Variants in NTRK2 observed in about 807,000 individuals in gnomAD.
The protein encoded by NTRK2 is BDNF/NT-3 growth factors receptor.
Under a neutral mutation model 94.5 loss-of-function variants are expected in NTRK2, and 13 were observed. The ratio of observed to expected loss-of-function variants is 0.14; its 90% CI spans 0.09 to 0.22. The LOEUF is 0.22. Among genes scored for constraint, NTRK2 ranks in the 10% least tolerant of loss-of-function variants. NTRK2 has a pLI of 1.00. For missense variants in NTRK2, 639 were observed against 1,071.2 expected (o/e 0.60, Z 5.63); for synonymous variants, 372 against 407.4 (o/e 0.91, Z 1.05).
At chr9:84,888,611 C>CAAAAAAAAAAAAAA (rs71369158) in intron 14 of NTRK2, among the ~76,000 whole-genome samples, 3 of 33,848 alleles carry the variant, frequency 8.9e-5, no homozygotes, top group African/African-American at 1.5e-4. Context: ...CACTCCATCT[C>CAAAAAAAAAAAAAA]AAAAAAAAAA....
intron 13 of NTRK2, among the ~76,000 whole-genome samples, chr9:84,864,865 C>T (rs969776551): frequency 1.1e-4 from 17 of 151,642 alleles, no homozygotes; most frequent in African/African-American, 3.9e-4. Context: ...TTCAGCCCCC[C>T]GAGTAGTTGG....
chr9:84,776,718 A>G (rs1487839306), intron 12 of NTRK2, among the ~76,000 whole-genome samples: 1 of 152,018 alleles, frequency 6.6e-6, no homozygotes, highest in Non-Finnish European at 1.5e-5. Flanking sequence ...CTCTTCCAAA[A>G]CCCCATGAGT....
At chr9:84,918,401 G>T (rs1407956510) in intron 14 of NTRK2, among the ~76,000 whole-genome samples, 1 of 152,178 alleles carries the variant, frequency 6.6e-6, no homozygotes, top group African/African-American at 2.4e-5. Flanking sequence ...TGCCTGACAT[G>T]GGTCCAGTGA....
chr9:84,694,768 C>T (rs1457170189), intron 2 of NTRK2, among the ~76,000 whole-genome samples: 1 of 152,092 alleles, frequency 6.6e-6, no homozygotes, highest in East Asian at 1.9e-4. Context: ...CTACTTTTAT[C>T]AAATCTAATC....
chr9:84,670,771 A>G lies in NTRK2; in HGVS notation c.23A>G (p.His8Arg). The G allele has an allele frequency of 6.2e-7, 1 of 1,613,588 alleles. No homozygotes were observed. Among genetic ancestry groups the G allele is most frequent in the East Asian group, 2.2e-5 (1 of 44,862 alleles). Residue 8 changes from histidine to arginine, a missense_variant, in exon 2 of 19, where the codon CAT (histidine) becomes CGT (arginine). This residue lies in a region of NTRK2 where 206 missense variants were observed against 251.5 expected (regional missense o/e 0.82). Transcript: ENST00000277120. ...GGGATGTCGTCCTGGATAAGGTGGC[A>G]TGGACCCGCCATGGCGCGGCTCTGG... MSSWIRW[H>R]GPAMARLWGF...
At chr9:84,922,072 A>T (rs1356504014) in intron 14 of NTRK2, among the ~76,000 whole-genome samples, 2 of 152,170 alleles carry the variant, frequency 1.3e-5, no homozygotes, top group African/African-American at 4.8e-5. Context: ...GATATGACTT[A>T]GTGATAAATT....
chr9:84,969,639 A>G (rs1825959213), intron 17 of NTRK2, among the ~76,000 whole-genome samples: 1 of 152,252 alleles, frequency 6.6e-6, no homozygotes, highest in Non-Finnish European at 1.5e-5. Context: ...AGTGATGATC[A>G]TAAATGATGT....
intron 6 of NTRK2, among the ~76,000 whole-genome samples, chr9:84,712,957 TA>T (rs1466954443): frequency 1.3e-5 from 2 of 152,228 alleles, no homozygotes; most frequent in African/African-American, 4.8e-5. Context: ...TTTTTACACA[TA>T]TGTACAAGTG....
chr9:84,694,815 G>A (rs1197538978), intron 2 of NTRK2, among the ~76,000 whole-genome samples: 1 of 151,904 alleles, frequency 6.6e-6, no homozygotes, highest in African/African-American at 2.4e-5. Context: ...TGTCTATCTA[G>A]AGATGATAGA....
intron 12 of NTRK2, among the ~76,000 whole-genome samples, chr9:84,775,068 A>G (rs1196893492): frequency 6.6e-6 from 1 of 152,228 alleles, no homozygotes; most frequent in Non-Finnish European, 1.5e-5. Flanking sequence ...CCCTAAGTAT[A>G]TAAGATGAGA....
intron 14 of NTRK2, among the ~76,000 whole-genome samples, chr9:84,897,551 A>T (rs1409401663): frequency 2.6e-5 from 4 of 152,158 alleles, no homozygotes; most frequent in Non-Finnish European, 5.9e-5. Flanking sequence ...AGCAGTCATG[A>T]TGGTCCCCTG....
chr9:84,752,181 T>C (rs1241224321), intron 12 of NTRK2, 96 bp downstream of exon 12: 1 of 952,460 alleles, frequency 1.0e-6, no homozygotes, highest in Non-Finnish European at 1.7e-6. Flanking sequence ...GCTAGATTTA[T>C]GATGATTAGG....
Position 84,800,200 on chromosome 9 carries a change from A to G in NTRK2, c.1396+48115A>G, listed in dbSNP as rs574518957. Among the ~76,000 whole-genome samples the G allele has an allele frequency of 1.2e-3, 141 of 114,874 alleles. 1 individual carries two copies. The South Asian group carries it at 0.02, about 16-fold the overall frequency. 75.4% of individuals were successfully genotyped at this position (114,874 alleles called of 152,430 possible). ...GGAAGCCGAAGCTCTATCAAGATAT[A>G]GTTTCTTTCTTTTTTTTTTTGAGAT... On this transcript the variant is annotated intron_variant, in intron 12 of 18. Coordinates refer to ENST00000277120, the MANE Select transcript of NTRK2 (RefSeq NM_006180.6).
chr9:84,823,781 T>C lies in NTRK2; in HGVS notation c.1397-37259T>C, dbSNP rs192831689. Among the ~76,000 whole-genome samples the C allele has an allele frequency of 2.0e-5, 3 of 152,342 alleles. No homozygotes were observed. In the East Asian group the frequency reaches 5.8e-4, roughly 29 times the overall value. ...GACCCTTCACATTTTTTAAGGTCTCTATGAGCCAAACATAACAAGTGTTGA... is the reference window on the plus strand; with the variant it reads ...GACCCTTCACATTTTTTAAGGTCTCCATGAGCCAAACATAACAAGTGTTGA... On this transcript the variant is annotated intron_variant, in intron 12 of 18. Coordinates refer to ENST00000277120, the MANE Select transcript of NTRK2 (RefSeq NM_006180.6).
At chr9:84,817,571 C>A (rs1294277477) in intron 12 of NTRK2, among the ~76,000 whole-genome samples, 1 of 152,130 alleles carries the variant, frequency 6.6e-6, no homozygotes, top group Non-Finnish European at 1.5e-5. Flanking sequence ...ATACAGCTGG[C>A]CTCACTAGTT....
At chr9:84,833,268 A>C (rs892841630) in intron 12 of NTRK2, among the ~76,000 whole-genome samples, 2 of 152,076 alleles carry the variant, frequency 1.3e-5, no homozygotes, top group Non-Finnish European at 2.9e-5. Flanking sequence ...TAAAATATCC[A>C]TGCCTGGGAT....
Position 85,024,782 on chromosome 9 carries a change from A to T in NTRK2, c.*3345A>T, listed in dbSNP as rs1832950670. ...GCTAAATTCAGCTAAATTCTTGTAC[A>T]CTGAACCAATGTCATAATCAGGCTT... On this transcript the variant is annotated 3_prime_UTR_variant, in exon 19 of 19. Coordinates refer to ENST00000277120, the MANE Select transcript of NTRK2 (RefSeq NM_006180.6). 2 of 233,032 alleles carry T rather than the reference A, an allele frequency of 8.6e-6. No individual in the cohort carries two copies. Among genetic ancestry groups the T allele is most frequent in the South Asian group, 3.6e-4 (2 of 5,530 alleles). The allele number at this position is 233,032 out of a possible 1,614,324, so 14.4% of individuals were successfully genotyped here.
In NTRK2 at chr9:84,850,415, T is replaced by C. The variant is rs139014644; in HGVS notation, c.1397-10625T>C. On this transcript the variant is annotated intron_variant, in intron 12 of 18. Coordinates refer to ENST00000277120, the MANE Select transcript of NTRK2 (RefSeq NM_006180.6). ...ATTTGAGGCATCTTTATTAAAGGTA[T>C]GCAAACTAATAGTTTAACTGGAATC... Among the ~76,000 whole-genome samples, 574 of 152,344 alleles carry C rather than the reference T, an allele frequency of 3.8e-3. 2 individuals carry two copies. Among genetic ancestry groups the C allele is most frequent in the African/African-American group, 0.013 (540 of 41,590 alleles).
chr9:84,882,924 C>T (rs867088702), intron 14 of NTRK2, among the ~76,000 whole-genome samples: 9 of 152,140 alleles, frequency 5.9e-5, no homozygotes, highest in African/African-American at 1.7e-4. Context: ...CTACCACACC[C>T]GGCTAATTTT....
Sources: gnomAD v4.1 joint callset for allele counts (sites outside exome capture counted in the v4.1 genomes callset) on GRCh38, gnomAD v4.1.1 for gene constraint, gnomAD v4.1.1 regional missense constraint, MANE v1.5 for transcripts, NCBI Gene and HGNC (gene_info 2026-07-23, HGNC 2026-07-21) for gene names.